Variants in SLC6A3 observed in about 807,000 individuals in gnomAD.
SLC6A3 encodes the protein solute carrier family 6 member 3.
A neutral mutation model predicts 70.4 loss-of-function variants in SLC6A3; 19 were observed. The observed-to-expected ratio is 0.27, with a 90% CI of 0.19 to 0.40. The LOEUF (loss-of-function observed/expected upper bound fraction) is 0.40. Ranked by LOEUF, SLC6A3 falls within the 10% of genes least tolerant of loss-of-function variation. The pLI is 1.00. For synonymous variants in SLC6A3, 368 were observed against 356.6 expected, an observed-to-expected ratio of 1.03 and a Z score of -0.36; for missense variants, 613 against 838.5, an observed-to-expected ratio of 0.73 and a Z score of 3.32.
At position 1,405,720 on chromosome 5, in the gene SLC6A3, C is replaced by T. The variant is rs1160484043; in HGVS notation, c.1599+468G>A. Among the ~76,000 whole-genome samples the T allele has an allele frequency of 2.6e-5, 4 of 152,262 alleles. No homozygotes were observed. In the East Asian group the frequency reaches 7.7e-4, roughly 29 times the overall value. ...GGCGGATGACAGAAGCAAGTGCCTA[C>T]TGGACACAGTGATGCTGCTGAGCCA... On this transcript the variant is annotated intron_variant, in intron 12 of 14. Coordinates refer to ENST00000270349, the MANE Select transcript of SLC6A3 (RefSeq NM_001044.5). This position sits in a 1 kb window ranked among gnomAD's most constrained non-coding sequence, Gnocchi z 5.3.
At position 1,411,275 on chromosome 5, in the gene SLC6A3, T is replaced by C. The variant is rs771538240; in HGVS notation, c.1237A>G (p.Ile413Val). The C allele has an allele frequency of 3.9e-6, 6 of 1,553,960 alleles. No individual in the cohort carries two copies. Among genetic ancestry groups the C allele is most frequent in the Non-Finnish European group, 8.7e-7 (1 of 1,148,566 alleles). The change falls in exon 9 of 15, where the codon ATC (isoleucine) becomes GTC (valine). Residue 413 changes from isoleucine to valine, a missense_variant. Around this residue, in one of 4 missense-constraint regions of SLC6A3, gnomAD observed 348 missense variants for 481.2 expected, o/e 0.72. Transcript: ENST00000270349. This position sits in a 1 kb window ranked among gnomAD's most constrained non-coding sequence, Gnocchi z 6.5. ...LSSAWAVVFF[I>V]MLLTLGIDSA... is the part of the protein sequence containing the mutation. ...TCGATACCCAGGGTGAGCAGCATGA[T>C]GAAGAAGACCACGGCCCAGGCTGAG...
chr5:1,428,486 A>G (rs942809668), intron 4 of SLC6A3, among the ~76,000 whole-genome samples: 1 of 152,226 alleles, frequency 6.6e-6, no homozygotes, highest in Non-Finnish European at 1.5e-5. Context: ...AAATGAAAAC[A>G]CAGCATATCA....
rs1756121567 is a variant in SLC6A3 at position 1,411,403 on chromosome 5, C to A, written c.1157-48G>T. On this transcript the variant is annotated intron_variant, in intron 8 of 14. Transcript: ENST00000270349. The surrounding 1 kb of genome is among the most constrained non-coding windows in gnomAD (Gnocchi z 6.5). ...TGCCACAGAGCCCACGCTGTGCTCT[C>A]CCGCCCATCCTGCCCCACCCCGCCC... The A allele has an allele frequency of 7.3e-7, 1 of 1,376,708 alleles. No homozygotes were observed. Among genetic ancestry groups the A allele is most frequent in the Non-Finnish European group, 1.0e-6 (1 of 990,274 alleles). 85.3% of individuals were successfully genotyped at this position (1,376,708 alleles called of 1,614,324 possible).
rs428280 is a variant in SLC6A3, at chr5:1,436,361, A to T, written c.419-3663T>A. On this transcript the variant is annotated intron_variant, in intron 3 of 14. Coordinates refer to ENST00000270349, the MANE Select transcript of SLC6A3 (RefSeq NM_001044.5). The surrounding 1 kb of genome is among the most constrained non-coding windows in gnomAD (Gnocchi z 5.2). The stretch of plus-strand genomic sequence containing the variant: ...TGGGCTCCAGATGAAGCTTCACCTG[A>T]CACATTTCTTAAACACCATTTAGTG... Among the ~76,000 whole-genome samples, 41,499 of 152,052 alleles carry T rather than the reference A, an allele frequency of 0.27. 6,100 individuals are homozygous for T. The highest frequency in any genetic ancestry group is 0.53 in the East Asian group (2,713 of 5,148).
intron 7 of SLC6A3, among the ~76,000 whole-genome samples, chr5:1,415,758 C>T (rs1756275623): frequency 6.6e-6 from 1 of 152,208 alleles, no homozygotes; most frequent in East Asian, 1.9e-4. Context: ...ACAGAGACCC[C>T]CCGGGGCTGG....
In SLC6A3 at chr5:1,424,438, T is replaced by C. The variant is rs118158832; in HGVS notation, c.654-2424A>G. On this transcript the variant is annotated intron_variant, in intron 4 of 14. Transcript: ENST00000270349. ...GAGCTTCTGAGGCCTCCCAGCAACT[T>C]TGTGCAGCCCGGACCACTCCTCCCT... Among the ~76,000 whole-genome samples the C allele has an allele frequency of 2.6e-4, 39 of 152,170 alleles. No individual in the cohort carries two copies. The East Asian group carries it at 4.6e-3, about 18-fold the overall frequency.
At chr5:1,444,899 C>T (rs2735856) in intron 1 of SLC6A3, among the ~76,000 whole-genome samples, 19 of 152,214 alleles carry the variant, frequency 1.2e-4, no homozygotes, top group Non-Finnish European at 2.5e-4. Context: ...GCGCGCAGCC[C>T]GCGCCCGCCA....
chr5:1,420,366 G>A (rs1210775184), intron 6 of SLC6A3, among the ~76,000 whole-genome samples: 2 of 152,218 alleles, frequency 1.3e-5, no homozygotes, highest in Non-Finnish European at 2.9e-5. Flanking sequence ...CAAAGCTGCA[G>A]CCTGAGTCTA....
Position 1,436,151 on chromosome 5 carries a change from C to T in SLC6A3, c.419-3453G>A, listed in dbSNP as rs895107895. Among the ~76,000 whole-genome samples, 12 of 152,228 alleles carry T rather than the reference C, an allele frequency of 7.9e-5. No homozygotes were observed. The highest frequency in any genetic ancestry group is 2.4e-4 in the African/African-American group (10 of 41,462). Reference sequence around the variant, plus strand: ...CCACTGTCAGCACTGGCCAGGCATTCGGTTGCTCCAAGCCCTGCCCTTCAG... The same window carrying T: ...CCACTGTCAGCACTGGCCAGGCATTTGGTTGCTCCAAGCCCTGCCCTTCAG... On this transcript the variant is annotated intron_variant, in intron 3 of 14. Transcript: ENST00000270349. This position sits in a 1 kb window ranked among gnomAD's most constrained non-coding sequence, Gnocchi z 5.2.
rs1756184084 is a variant in SLC6A3 at position 1,413,820 on chromosome 5, G to A, written c.1156+871C>T. On this transcript the variant is annotated intron_variant, in intron 8 of 14. Transcript: ENST00000270349. The surrounding 1 kb of genome is among the most constrained non-coding windows in gnomAD (Gnocchi z 7.1). The stretch of plus-strand genomic sequence containing the variant: ...CCAAGTTAGGGCTGCCAACGCCACA[G>A]CTTTCCACTGCAAGCACCGGAGCCA... Among the ~76,000 whole-genome samples, 1 of 152,188 alleles carries A rather than the reference G, an allele frequency of 6.6e-6. No homozygotes were observed. The highest frequency in any genetic ancestry group is 2.4e-5 in the African/African-American group (1 of 41,446).
intron 14 of SLC6A3, among the ~76,000 whole-genome samples, chr5:1,398,683 C>A (rs927460615): frequency 2.6e-5 from 4 of 152,170 alleles, no homozygotes; most frequent in African/African-American, 9.7e-5. Context: ...ATATTTCAGG[C>A]AAACTCAAAA....
intron 9 of SLC6A3, among the ~76,000 whole-genome samples, chr5:1,410,631 G>A (rs1194190549): frequency 2.0e-5 from 3 of 152,164 alleles, no homozygotes; most frequent in Admixed American, 1.3e-4. Context: ...GGATTGGTAG[G>A]TGCCAGGAAC....
At chr5:1,430,533 G>C (rs1005115781) in intron 4 of SLC6A3, among the ~76,000 whole-genome samples, 3 of 152,128 alleles carry the variant, frequency 2.0e-5, no homozygotes, top group South Asian at 2.1e-4. Context: ...GTCCCTTTCC[G>C]GCAGCATCAG....
chr5:1,439,528 C>T (rs1405765030), intron 3 of SLC6A3, among the ~76,000 whole-genome samples: 1 of 152,234 alleles, frequency 6.6e-6, no homozygotes, highest in African/African-American at 2.4e-5. Flanking sequence ...CTGACTTCTC[C>T]TCCTGGAGCC....
rs77690973 is a variant in SLC6A3, at chr5:1,439,842, G to T, written c.418+1517C>A. Among the ~76,000 whole-genome samples, 44 of 152,382 alleles carry T rather than the reference G, an allele frequency of 2.9e-4. No individual in the cohort carries two copies. The East Asian group carries it at 7.9e-3, about 27-fold the overall frequency. ...TGGGCAAGTGTGACCTGCGTGCAGG[G>T]ATTGGGGAGTCAGAAACGTCTGGGA... is the stretch of plus-strand genomic sequence containing the variant. On this transcript the variant is annotated intron_variant, in intron 3 of 14. Transcript: ENST00000270349.
In SLC6A3 at chr5:1,442,810, C is replaced by A. The variant is rs1733712527; in HGVS notation, c.286+102G>T. ...TCTCACAGGGAGCTCCGTCTTCACG[C>A]ATGGGAACAGCTTCATCTCGTTTCC... On this transcript the variant is annotated intron_variant, in intron 2 of 14. Transcript: ENST00000270349. The surrounding 1 kb of genome is among the most constrained non-coding windows in gnomAD (Gnocchi z 5.0). The A allele has an allele frequency of 8.2e-7, 1 of 1,216,118 alleles. No individual in the cohort carries two copies. The highest frequency in any genetic ancestry group is 1.2e-6 in the Non-Finnish European group (1 of 825,144). The allele number at this position is 1,216,118 out of a possible 1,614,324, so 75.3% of individuals were successfully genotyped here. A position where few individuals can be genotyped will look rare whatever the true frequency, so the allele number is the denominator to read the frequency against.
chr5:1,427,099 A>G (rs1024883888), intron 4 of SLC6A3, among the ~76,000 whole-genome samples: 3 of 152,278 alleles, frequency 2.0e-5, no homozygotes, highest in East Asian at 1.9e-4. Context: ...CCCAATCTAC[A>G]TACAGGACCG....
chr5:1,409,275 G>A (rs1347947247), intron 10 of SLC6A3, 150 bp from the exon 11 acceptor site: 3 of 698,882 alleles, frequency 4.3e-6, no homozygotes, highest in Non-Finnish European at 7.8e-6. Flanking sequence ...GCTTCTTAGG[G>A]CCACGTGTAT....
Position 1,421,316 on chromosome 5 carries a change from T to A in SLC6A3, c.792+560A>T, listed in dbSNP as rs988789426. On this transcript the variant is annotated intron_variant, in intron 5 of 14. Transcript: ENST00000270349. This position sits in a 1 kb window ranked among gnomAD's most constrained non-coding sequence, Gnocchi z 7.2. Reference sequence around the variant, plus strand: ...CCTCAGCCTCCCACGTAGCTGGGATTATAGGCACGTGCCACCGTGCCTGGC... The same window carrying A: ...CCTCAGCCTCCCACGTAGCTGGGATAATAGGCACGTGCCACCGTGCCTGGC... Among the ~76,000 whole-genome samples, 1 of 152,074 alleles carries A rather than the reference T, an allele frequency of 6.6e-6. No homozygotes were observed.
Sources: allele counts gnomAD v4.1 joint callset (sites outside exome capture counted in the v4.1 genomes callset), GRCh38; gene constraint gnomAD v4.1.1; regional missense constraint gnomAD v4.1.1; non-coding constraint Gnocchi (gnomAD v3.1); transcripts MANE v1.5; gene names NCBI Gene and HGNC (gene_info 2026-07-23, HGNC 2026-07-21).